The following KCNMA1 variants were observed in gnomAD, a reference collection of about 807,000 sequenced individuals.
The protein encoded by KCNMA1 is potassium calcium-activated channel subfamily M alpha 1, also known as Calcium-activated potassium channel subunit alpha-1.
A neutral mutation model predicts 140.0 loss-of-function variants in KCNMA1; 29 were observed. The observed-to-expected ratio is 0.21, with a 90% confidence interval of 0.15 to 0.28. The LOEUF is 0.28. Among genes scored for constraint, KCNMA1 ranks in the 10% least tolerant of loss-of-function variants. The probability of loss-of-function intolerance (pLI) is 1.00; values close to 1 mark genes in which losing one functional copy is unlikely to be tolerated. For missense variants in KCNMA1, 880 were observed against 1,602.2 expected (o/e 0.55, Z 7.70); for synonymous variants, 612 against 611.9 (o/e 1.00, Z 0.00).
intron 1 of KCNMA1, among the ~76,000 whole-genome samples, chr10:77,478,010 T>C (rs892282849): frequency 2.0e-5 from 3 of 152,148 alleles, no homozygotes; most frequent in Non-Finnish European, 4.4e-5. Context: ...ACCCTGCAGG[T>C]ACATGATACC....
chr10:77,313,353 G>A (rs183919756), intron 2 of KCNMA1, among the ~76,000 whole-genome samples: 30 of 152,296 alleles, frequency 2.0e-4, no homozygotes, highest in African/African-American at 7.0e-4. Context: ...TCCTGATGCC[G>A]GTAAGAGGAG....
intron 1 of KCNMA1, among the ~76,000 whole-genome samples, chr10:77,510,143 G>T (rs1047496935): frequency 6.6e-6 from 1 of 152,068 alleles, no homozygotes; most frequent in African/African-American, 2.4e-5. Context: ...GGGTACAATC[G>T]CAGCTCCACA....
chr10:76,917,760 C>T (rs1025767139), intron 23 of KCNMA1, among the ~76,000 whole-genome samples: 1 of 152,172 alleles, frequency 6.6e-6, no homozygotes, highest in African/African-American at 2.4e-5. Context: ...CAAAAGGCAA[C>T]AATAACAGCA....
At chr10:76,987,198 G>T (rs1371036107) in intron 19 of KCNMA1, among the ~76,000 whole-genome samples, 5 of 152,010 alleles carry the variant, frequency 3.3e-5, no homozygotes, top group Non-Finnish European at 7.4e-5. Flanking sequence ...TTCACACTGT[G>T]TGTCTTGGTT....
At chr10:77,126,872 C>G (rs1231734370) in intron 5 of KCNMA1, among the ~76,000 whole-genome samples, 2 of 152,158 alleles carry the variant, frequency 1.3e-5, no homozygotes, top group East Asian at 3.9e-4. Context: ...CCCTTATTCC[C>G]TCACAGGCAT....
rs1027357440 is a variant in KCNMA1 at position 77,261,653 on chromosome 10, C to A, written c.541-10397G>T. ...TTCCCTAAAACCTGTGTCCTTCCTG[C>A]AAGCCGAGGTTTAATGACACTGAAA... On this transcript the variant is annotated intron_variant, in intron 2 of 27. Transcript: ENST00000286628. Among the ~76,000 whole-genome samples, 7 of 152,160 alleles carry A rather than the reference C, an allele frequency of 4.6e-5. No homozygotes were observed. The East Asian group carries it at 1.3e-3, about 29-fold the overall frequency.
At chr10:77,170,513 CCCT>C in intron 5 of KCNMA1, among the ~76,000 whole-genome samples, 1 of 145,472 alleles carries the variant, frequency 6.9e-6, no homozygotes, top group Middle Eastern at 3.6e-3. Context: ...GAGGCTCCAT[CCCT>C]GGGAGAAGGT....
intron 1 of KCNMA1, among the ~76,000 whole-genome samples, chr10:77,480,405 T>C (rs1339360860): frequency 6.6e-6 from 1 of 152,192 alleles, no homozygotes; most frequent in Non-Finnish European, 1.5e-5. Context: ...AGCCACGTGA[T>C]GGACCCCAGT....
chr10:77,626,563 A>G (rs1416053041), intron 1 of KCNMA1, among the ~76,000 whole-genome samples: 2 of 152,074 alleles, frequency 1.3e-5, no homozygotes, highest in African/African-American at 4.8e-5. Context: ...CTGGAGGCCC[A>G]TTTTTCCCCT....
chr10:77,242,834 C>T lies in KCNMA1; in HGVS notation c.602+8361G>A, dbSNP rs550677261. On this transcript the variant is annotated intron_variant, in intron 3 of 27. Coordinates refer to ENST00000286628, the MANE Select transcript of KCNMA1 (RefSeq NM_001161352.2). ...CCTCATCTCTGCTACTGTGATGAGC[C>T]TGGTGGCCAATTCCCCCATGCTCTT... is the stretch of plus-strand genomic sequence containing the variant. Among the ~76,000 whole-genome samples, 18 of 151,170 alleles carry T rather than the reference C, an allele frequency of 1.2e-4. No homozygotes were observed. In the East Asian group the frequency reaches 3.6e-3, roughly 30 times the overall value.
intron 13 of KCNMA1, among the ~76,000 whole-genome samples, chr10:77,079,278 A>G (rs1452447363): frequency 1.3e-5 from 2 of 152,044 alleles, no homozygotes; most frequent in African/African-American, 4.8e-5. Context: ...CCCAAAAAAA[A>G]AGAAAGAAAG....
intron 3 of KCNMA1, among the ~76,000 whole-genome samples, chr10:77,187,575 T>C (rs1426183582): frequency 6.6e-6 from 1 of 152,212 alleles, no homozygotes; most frequent in Non-Finnish European, 1.5e-5. Flanking sequence ...AAGTAAATGA[T>C]GCCGCTGGCG....
At chr10:77,022,187 C>T (rs1011593375) in intron 16 of KCNMA1, among the ~76,000 whole-genome samples, 7 of 152,028 alleles carry the variant, frequency 4.6e-5, no homozygotes, top group African/African-American at 1.4e-4. Context: ...CTACTGACTG[C>T]CAAAAGTCTC....
intron 1 of KCNMA1, among the ~76,000 whole-genome samples, chr10:77,476,992 A>T (rs1268538319): frequency 6.6e-6 from 1 of 152,214 alleles, no homozygotes; most frequent in East Asian, 1.9e-4. Context: ...ACAGGTGAAA[A>T]CATTTTTAGA....
intron 3 of KCNMA1, among the ~76,000 whole-genome samples, chr10:77,243,269 C>T (rs377711590): frequency 8.5e-5 from 13 of 152,318 alleles, no homozygotes; most frequent in East Asian, 5.8e-4. Context: ...TTAAACTGTT[C>T]TGAGCTATAA....
chr10:77,415,340 T>C (rs2096717238), intron 1 of KCNMA1, among the ~76,000 whole-genome samples: 1 of 152,200 alleles, frequency 6.6e-6, no homozygotes, highest in Non-Finnish European at 1.5e-5. Context: ...ATCAGAGCCA[T>C]AGAGACTTTG....
chr10:76,883,286 A>C (rs1327780744), downstream of KCNMA1, among the ~76,000 whole-genome samples: 1 of 152,246 alleles, frequency 6.6e-6, no homozygotes, highest in African/African-American at 2.4e-5. Context: ...GAAAATGGTT[A>C]AAGGTATAAA....
intron 2 of KCNMA1, among the ~76,000 whole-genome samples, chr10:77,285,561 T>C (rs560256602): frequency 1.3e-5 from 2 of 152,202 alleles, no homozygotes; most frequent in Non-Finnish European, 2.9e-5. Flanking sequence ...AAGTTTAGGA[T>C]GGTGTTTTGC....
chr10:77,307,909 A>G (rs906884450), intron 2 of KCNMA1, among the ~76,000 whole-genome samples: 38 of 152,318 alleles, frequency 2.5e-4, no homozygotes, highest in African/African-American at 8.2e-4. Context: ...ATGTAACACC[A>G]TTGTACGTTG....
Sources: allele counts gnomAD v4.1 joint callset (sites outside exome capture counted in the v4.1 genomes callset), GRCh38; gene constraint gnomAD v4.1.1; transcripts MANE v1.5; gene names NCBI Gene and HGNC (gene_info 2026-07-23, HGNC 2026-07-21).